The following RABGEF1 variants were observed in gnomAD, a reference collection of about 807,000 sequenced individuals.
The protein encoded by RABGEF1 is RAB guanine nucleotide exchange factor 1.
RABGEF1 carries 26 observed loss-of-function variants against 57.3 expected under a neutral mutation model. The observed-to-expected ratio is 0.45, with a 90% CI of 0.33 to 0.63. The LOEUF (loss-of-function observed/expected upper bound fraction) is 0.63. Ranked by LOEUF, RABGEF1 falls within the 20% of genes least tolerant of loss-of-function variation. The probability of loss-of-function intolerance (pLI) is 0.02; values close to 1 mark genes in which losing one functional copy is unlikely to be tolerated. For missense variants in RABGEF1, 464 were observed against 607.6 expected, an observed-to-expected ratio of 0.76 and a Z score of 2.48; for synonymous variants, 185 against 210.7, an observed-to-expected ratio of 0.88 and a Z score of 1.06.
At chr7:66,758,476 T>C (rs1803340333) in intron 1 of RABGEF1, among the ~76,000 whole-genome samples, 1 of 152,212 alleles carries the variant, frequency 6.6e-6, no homozygotes, top group African/African-American at 2.4e-5. Flanking sequence ...ACCAAGCTTC[T>C]ATTTATTGGA....
intron 3 of RABGEF1, among the ~76,000 whole-genome samples, chr7:66,778,350 T>C (rs1397498091): frequency 1.3e-5 from 2 of 152,232 alleles, no homozygotes; most frequent in East Asian, 3.8e-4. Flanking sequence ...TAGAGTTGGA[T>C]ACGCCTTCAG....
At chr7:66,660,360 AAG>A in the RABGEF1 span, among the ~76,000 whole-genome samples, 1 of 151,804 alleles carries the variant, frequency 6.6e-6, no homozygotes, top group South Asian at 2.1e-4. Flanking sequence ...AAAAAAAAAA[AAG>A]AAAGAAAAAA....
the RABGEF1 span, among the ~76,000 whole-genome samples, chr7:66,677,103 G>A: frequency 6.6e-6 from 1 of 152,058 alleles, no homozygotes; most frequent in African/African-American, 2.4e-5. Flanking sequence ...TTTTGTAGAT[G>A]GTGATAGGTA....
chr7:66,660,347 C>CA, the RABGEF1 span, among the ~76,000 whole-genome samples: 5,424 of 82,434 alleles, frequency 0.066, 145 homozygotes, highest in Middle Eastern at 0.2. Context: ...GACTCCATCT[C>CA]AAAAAAAAAA....
intron 3 of RABGEF1, among the ~76,000 whole-genome samples, chr7:66,778,535 A>G (rs1179051784): frequency 6.6e-6 from 1 of 152,236 alleles, no homozygotes; most frequent in Non-Finnish European, 1.5e-5. Flanking sequence ...TGTCATTCCA[A>G]GTAGAATCTT....
At chr7:66,692,901 C>T (rs919522480) in intron 1 of RABGEF1, among the ~76,000 whole-genome samples, 1 of 152,206 alleles carries the variant, frequency 6.6e-6, no homozygotes, top group African/African-American at 2.4e-5. Context: ...GACCCTACCC[C>T]CCAGGCTTGA....
the RABGEF1 span, among the ~76,000 whole-genome samples, chr7:66,676,362 A>G: frequency 3.7e-4 from 56 of 152,266 alleles, no homozygotes; most frequent in Admixed American, 2.9e-3. Flanking sequence ...CAGGATGCCC[A>G]CATATACCAA....
At chr7:66,806,732 C>G (rs922178536) in intron 8 of RABGEF1, among the ~76,000 whole-genome samples, 4 of 147,602 alleles carry the variant, frequency 2.7e-5, no homozygotes, top group African/African-American at 5.0e-5. Context: ...CAACCTCCGT[C>G]TCCTGGGTTC....
At chr7:66,720,556 A>G (rs1429910249) in intron 2 of RABGEF1, among the ~76,000 whole-genome samples, 1 of 152,038 alleles carries the variant, frequency 6.6e-6, no homozygotes, top group African/African-American at 2.4e-5. Context: ...AACTATCTCA[A>G]CCAGAAAAAA....
chr7:66,741,013 C>T (rs1384230850), intron 1 of RABGEF1, among the ~76,000 whole-genome samples: 1 of 152,198 alleles, frequency 6.6e-6, no homozygotes, highest in Non-Finnish European at 1.5e-5. Context: ...CCTTAATCCT[C>T]AGAGTGCGGC....
intron 2 of RABGEF1, among the ~76,000 whole-genome samples, chr7:66,719,455 C>T (rs755609970): frequency 1.1e-4 from 16 of 152,110 alleles, no homozygotes; most frequent in African/African-American, 3.6e-4. Flanking sequence ...CTCGGCCCCC[C>T]GCAGTGTGCT....
chr7:66,694,259 G>A (rs749013391), intron 1 of RABGEF1, among the ~76,000 whole-genome samples: 11 of 152,240 alleles, frequency 7.2e-5, no homozygotes, highest in Non-Finnish European at 1.3e-4. Flanking sequence ...AGGGTGCCAC[G>A]GGAATGGGAA....
intron 2 of RABGEF1, among the ~76,000 whole-genome samples, chr7:66,773,047 A>G (rs2129115282): frequency 6.6e-6 from 1 of 152,168 alleles, no homozygotes; most frequent in South Asian, 2.1e-4. Context: ...GAAGAAAGTC[A>G]AATGGAATTC....
chr7:66,657,623 C>T, the RABGEF1 span, among the ~76,000 whole-genome samples: 3 of 152,156 alleles, frequency 2.0e-5, no homozygotes, highest in Admixed American at 1.3e-4. Flanking sequence ...GAGTTCAAGA[C>T]CAGTCTAACC....
intron 8 of RABGEF1, 98 bp downstream of exon 8, chr7:66,805,494 C>T: frequency 6.5e-7 from 1 of 1,533,650 alleles, no homozygotes; most frequent in South Asian, 1.2e-5. Flanking sequence ...GTGAATGCTT[C>T]TGTGTGAGAA....
intron 2 of RABGEF1, among the ~76,000 whole-genome samples, chr7:66,717,728 T>A (rs1795567270): frequency 6.6e-6 from 1 of 152,040 alleles, no homozygotes; most frequent in Non-Finnish European, 1.5e-5. Flanking sequence ...CCCATCTAAT[T>A]TTTTTGTATT....
At chr7:66,758,523 G>A (rs1289529250) in intron 1 of RABGEF1, among the ~76,000 whole-genome samples, 1 of 152,182 alleles carries the variant, frequency 6.6e-6, no homozygotes, top group Non-Finnish European at 1.5e-5. Context: ...GTGGCCCCTC[G>A]GAGCTCCCTC....
chr7:66,686,885 G>A (rs1189257074), intron 1 of RABGEF1, among the ~76,000 whole-genome samples: 1 of 151,088 alleles, frequency 6.6e-6, no homozygotes, highest in Non-Finnish European at 1.5e-5. Context: ...GCAGTGGCGC[G>A]ATCTCGGCTC....
chr7:66,794,207 A>ATTTTTTTTT (rs1174835014), intron 4 of RABGEF1, among the ~76,000 whole-genome samples: 2 of 91,104 alleles, frequency 2.2e-5, no homozygotes, highest in Non-Finnish European at 4.3e-5. Flanking sequence ...TCCATGTTTA[A>ATTTTTTTTT]TTTTTTTTTT....
Sources: allele counts gnomAD v4.1 joint callset (sites outside exome capture counted in the v4.1 genomes callset), GRCh38; gene constraint gnomAD v4.1.1; transcripts MANE v1.5; gene names NCBI Gene and HGNC (gene_info 2026-07-23, HGNC 2026-07-21).